Variants in FHIT observed in about 807,000 individuals in gnomAD.
FHIT encodes the protein fragile histidine triad diadenosine triphosphatase, also known as bis(5'-adenosyl)-triphosphatase.
A neutral mutation model predicts 17.9 loss-of-function variants in FHIT; 19 were observed. That is an observed-to-expected ratio of 1.06 (90% CI 0.74 to 1.56). The LOEUF (loss-of-function observed/expected upper bound fraction) is 1.56. Among genes scored for constraint, FHIT ranks in the 40% most tolerant of loss-of-function variants. FHIT has a pLI of 0.00. For missense variants in FHIT, 248 were observed against 189.2 expected, an observed-to-expected ratio of 1.31 and a Z score of -1.82; for synonymous variants, 81 against 69.7, an observed-to-expected ratio of 1.16 and a Z score of -0.81.
chr3:60,860,061 A>C (rs183876102), intron 3 of FHIT, among the ~76,000 whole-genome samples: 2 of 148,474 alleles, frequency 1.3e-5, no homozygotes, highest in Non-Finnish European at 3.0e-5. Context: ...AAAAAGATAC[A>C]TATATATGAT....
intron 3 of FHIT, among the ~76,000 whole-genome samples, chr3:60,860,250 A>ATAT (rs1703618738): frequency 4.9e-5 from 7 of 142,710 alleles, no homozygotes; most frequent in African/African-American, 1.8e-4. Flanking sequence ...GGTATACATG[A>ATAT]GATACATCAT....
chr3:59,812,173 C>T (rs906737423), intron 8 of FHIT, among the ~76,000 whole-genome samples: 5 of 152,080 alleles, frequency 3.3e-5, no homozygotes, highest in African/African-American at 4.8e-5. Flanking sequence ...GCCATGCACA[C>T]GACAGTCACT....
intron 1 of FHIT, among the ~76,000 whole-genome samples, chr3:61,235,685 G>C (rs2040213782): frequency 6.6e-6 from 1 of 151,288 alleles, no homozygotes; most frequent in Non-Finnish European, 1.5e-5. Context: ...CTGGATGACA[G>C]AGCGAGACTC....
intron 3 of FHIT, among the ~76,000 whole-genome samples, chr3:60,920,459 G>A (rs1221312037): frequency 2.0e-5 from 3 of 152,148 alleles, no homozygotes; most frequent in Non-Finnish European, 4.4e-5. Flanking sequence ...GATCGGTAGA[G>A]GCAGGTGGGG....
intron 5 of FHIT, among the ~76,000 whole-genome samples, chr3:60,269,259 T>C (rs7625421): frequency 0.1 from 15,676 of 152,248 alleles, 905 homozygotes; most frequent in Non-Finnish European, 0.13. Flanking sequence ...ATCAAGATAT[T>C]TTCAGTTTTC....
At chr3:60,246,170 G>GAAATGTAGAGA (rs1373372817) in intron 5 of FHIT, among the ~76,000 whole-genome samples, 1 of 152,010 alleles carries the variant, frequency 6.6e-6, no homozygotes, top group Non-Finnish European at 1.5e-5. Flanking sequence ...GGTAGAAATG[G>GAAATGTAGAGA]AAATGTAGAG....
intron 3 of FHIT, among the ~76,000 whole-genome samples, chr3:60,963,621 T>C (rs1442548658): frequency 1.3e-5 from 2 of 152,234 alleles, no homozygotes; most frequent in Admixed American, 6.5e-5. Flanking sequence ...GAGATTCTGG[T>C]ATGTTGTGTC....
At chr3:60,575,843 G>A (rs1299005560) in intron 4 of FHIT, among the ~76,000 whole-genome samples, 2 of 152,110 alleles carry the variant, frequency 1.3e-5, no homozygotes, top group Non-Finnish European at 2.9e-5. Context: ...GGACACCAAA[G>A]ACTAGCAACG....
intron 7 of FHIT, among the ~76,000 whole-genome samples, chr3:59,928,017 G>C (rs981712099): frequency 6.6e-6 from 1 of 152,282 alleles, no homozygotes; most frequent in East Asian, 1.9e-4. Flanking sequence ...AATTCTAAGG[G>C]ATAGAAACAT....
intron 8 of FHIT, among the ~76,000 whole-genome samples, chr3:59,812,913 C>T (rs546170677): frequency 7.9e-5 from 12 of 152,262 alleles, no homozygotes; most frequent in African/African-American, 2.6e-4. Context: ...AAGAAAACTA[C>T]GCTCAGTAAT....
At chr3:60,017,120 G>T (rs1311487628) in intron 5 of FHIT, among the ~76,000 whole-genome samples, 3 of 152,036 alleles carry the variant, frequency 2.0e-5, no homozygotes, top group Non-Finnish European at 2.9e-5. Context: ...CTCCATTTTT[G>T]CCTAGCCTCT....
At chr3:60,048,333 C>G (rs756727793) in intron 5 of FHIT, among the ~76,000 whole-genome samples, 1 of 152,122 alleles carries the variant, frequency 6.6e-6, no homozygotes, top group Non-Finnish European at 1.5e-5. Context: ...TGTGCCACCA[C>G]GCTTCCCTAA....
At chr3:60,061,654 T>C (rs1433328135) in intron 5 of FHIT, among the ~76,000 whole-genome samples, 1 of 152,232 alleles carries the variant, frequency 6.6e-6, no homozygotes. Flanking sequence ...TCATAGAGTG[T>C]TAAATATTAA....
At chr3:60,875,395 T>C (rs562651211) in intron 3 of FHIT, among the ~76,000 whole-genome samples, 5 of 152,280 alleles carry the variant, frequency 3.3e-5, no homozygotes, top group Admixed American at 6.5e-5. Flanking sequence ...CCCATCAACA[T>C]ACTCCTTAAA....
At chr3:59,888,888 G>A (rs912798810) in intron 8 of FHIT, among the ~76,000 whole-genome samples, 1 of 152,226 alleles carries the variant, frequency 6.6e-6, no homozygotes, top group African/African-American at 2.4e-5. Context: ...GCTGCATCCA[G>A]TGAGGGCCTT....
rs1027605147 is a variant in FHIT at position 59,866,244 on chromosome 3, G to T, written c.348+56102C>A. ...TAAGCAGAAACAGCAAGCCATGTGA[G>T]ATCCAGGAAGAACCATTCCACGCAG... On this transcript the variant is annotated intron_variant, in intron 8 of 9. Transcript: ENST00000492590. Among the ~76,000 whole-genome samples the T allele has an allele frequency of 2.6e-5, 4 of 151,940 alleles. No individual in the cohort carries two copies. The East Asian group carries it at 7.7e-4, about 29-fold the overall frequency.
chr3:59,931,026 C>T (rs6783428), intron 7 of FHIT, among the ~76,000 whole-genome samples: 77,066 of 152,006 alleles, frequency 0.51, 19,989 homozygotes, highest in African/African-American at 0.55. Flanking sequence ...TTCATATTCC[C>T]TCATTTATCA....
intron 5 of FHIT, among the ~76,000 whole-genome samples, chr3:60,401,596 C>T (rs1032041176): frequency 7.9e-5 from 12 of 152,092 alleles, no homozygotes; most frequent in Non-Finnish European, 1.6e-4. Context: ...TGCCAGCTTC[C>T]CTCCACTGTT....
intron 4 of FHIT, among the ~76,000 whole-genome samples, chr3:60,574,457 G>A (rs1415784974): frequency 6.6e-6 from 1 of 151,440 alleles, no homozygotes; most frequent in Non-Finnish European, 1.5e-5. Context: ...AATCAGTGTG[G>A]TACCTGGTGA....
Sources: gnomAD v4.1 joint callset for allele counts (sites outside exome capture counted in the v4.1 genomes callset) on GRCh38, gnomAD v4.1.1 for gene constraint, MANE v1.5 for transcripts, NCBI Gene and HGNC (gene_info 2026-07-23, HGNC 2026-07-21) for gene names.